TTC38: variants seen among roughly 807,000 people sequenced by gnomAD.
TTC38 encodes tetratricopeptide repeat domain 38.
Under a neutral mutation model 64.2 loss-of-function variants are expected in TTC38, and 64 were observed. That is an observed-to-expected ratio of 1.00 (90% CI 0.81 to 1.23). TTC38 has a LOEUF of 1.23. Ranked by LOEUF, TTC38 falls within the 50% of genes most tolerant of loss-of-function variation. The probability of loss-of-function intolerance (pLI) is 0.00; values close to 1 mark genes in which losing one functional copy is unlikely to be tolerated. For missense variants in TTC38, 573 were observed against 615.5 expected (o/e 0.93, Z 0.73); for synonymous variants, 254 against 249.3 (o/e 1.02, Z -0.18).
rs2147804476 is a variant in TTC38, at chr22:46,292,124, C to T, written c.1317-667C>T. The stretch of plus-strand genomic sequence containing the variant: ...GACAGCCACTTTCTTGCTGTGTCCT[C>T]ACATGACCTTTCCTTTGAGTGCTAA... On this transcript the variant is annotated intron_variant, in intron 13 of 13. Transcript: ENST00000381031. This position sits in a 1 kb window ranked among gnomAD's most constrained non-coding sequence, Gnocchi z 6.5. 2.5e-6 allele frequency: 1 copy of T among 402,726 alleles called. No homozygotes were observed. The highest frequency in any genetic ancestry group is 1.9e-5 in the South Asian group (1 of 51,292). 24.9% of individuals were successfully genotyped at this position (402,726 alleles called of 1,614,324 possible).
At chr22:46,277,086 T>C (rs868246773) in intron 5 of TTC38, among the ~76,000 whole-genome samples, 2,468 of 128,228 alleles carry the variant, frequency 0.019, 67 homozygotes, top group African/African-American at 0.064. Context: ...CACACACACA[T>C]ACATTTTAAA....
rs1457052615 is a variant in TTC38, at chr22:46,276,420, C to CTTA, written c.539+1001_539+1003dup. 6.6e-6 allele frequency among the ~76,000 whole-genome samples: 1 copy of CTTA among 152,162 alleles called. No homozygotes were observed. Among genetic ancestry groups the CTTA allele is most frequent in the Non-Finnish European group, 1.5e-5 (1 of 68,036 alleles). Reference sequence around the variant, plus strand: ...ACCTTCACGAGACTGGGCACAGTGGCTTATGCCTGTAATCCCAGCTGTTTG... The same window carrying CTTA: ...ACCTTCACGAGACTGGGCACAGTGGCTTATTATGCCTGTAATCCCAGCTGTTTG... On this transcript the variant is annotated intron_variant, in intron 5 of 13. Coordinates refer to ENST00000381031, the MANE Select transcript of TTC38 (RefSeq NM_017931.4). This position sits in a 1 kb window ranked among gnomAD's most constrained non-coding sequence, Gnocchi z 4.7.
intron 10 of TTC38, 74 bp from the exon 11 acceptor site, chr22:46,288,349 G>A (rs908312177): frequency 2.1e-5 from 31 of 1,484,132 alleles, no homozygotes; most frequent in African/African-American, 6.9e-5. Flanking sequence ...GGGAAGCGCC[G>A]TGAGGGAGGC....
Position 46,282,074 on chromosome 22 carries a change from C to G in TTC38, c.735+356C>G. ...AACGCAGAGGAAGCATTAAACTCAA[C>G]TGGGCTTGGGGGGACAGTGGCTAGG... On this transcript the variant is annotated intron_variant, in intron 7 of 13. Transcript: ENST00000381031. The surrounding 1 kb of genome is among the most constrained non-coding windows in gnomAD (Gnocchi z 4.4). 1 of 446,876 alleles carries G rather than the reference C, an allele frequency of 2.2e-6. No individual in the cohort carries two copies. Among genetic ancestry groups the G allele is most frequent in the Non-Finnish European group, 4.6e-6 (1 of 216,978 alleles). 27.7% of individuals were successfully genotyped at this position (446,876 alleles called of 1,614,324 possible).
At position 46,283,972 on chromosome 22, in the gene TTC38, G is replaced by A. The variant is rs781152522; in HGVS notation, c.736-1G>A. 3 of 1,541,002 alleles carry A rather than the reference G, an allele frequency of 1.9e-6. No homozygotes were observed. The highest frequency in any genetic ancestry group is 2.3e-5 in the South Asian group (2 of 86,760). Reference sequence around the variant, plus strand: ...AATTCTCTTTTTTTTTTTTTCTCCAGGACTCTGATATGTTGGCTTGTCATA... The same window carrying A: ...AATTCTCTTTTTTTTTTTTTCTCCAAGACTCTGATATGTTGGCTTGTCATA... On this transcript the variant is annotated splice_acceptor_variant, in intron 7 of 13. Coordinates refer to ENST00000381031, the MANE Select transcript of TTC38 (RefSeq NM_017931.4). LOFTEE classifies it high-confidence loss of function.
Position 46,272,190 on chromosome 22 carries a change from C to G in TTC38, c.112-145C>G. On this transcript the variant is annotated intron_variant, in intron 2 of 13. Transcript: ENST00000381031. This position sits in a 1 kb window ranked among gnomAD's most constrained non-coding sequence, Gnocchi z 6.4. Reference sequence around the variant, plus strand: ...ATTTTTAGTAGAGATGGGGTTTTACCGTGTTGGTCAGGCTGGTCTCGAACT... The same window carrying G: ...ATTTTTAGTAGAGATGGGGTTTTACGGTGTTGGTCAGGCTGGTCTCGAACT... 2 of 583,218 alleles carry G rather than the reference C, an allele frequency of 3.4e-6. No homozygotes were observed. The highest frequency in any genetic ancestry group is 6.2e-6 in the Non-Finnish European group (2 of 321,736). The allele number at this position is 583,218 out of a possible 1,614,324, so 36.1% of individuals were successfully genotyped here.
rs1000955250 is a variant in TTC38 at position 46,288,678 on chromosome 22, C to T, written c.1082+90C>T. The T allele has an allele frequency of 2.4e-5, 31 of 1,289,664 alleles. No individual in the cohort carries two copies. In the African/African-American group the frequency reaches 3.1e-4, roughly 13 times the overall value. The allele number at this position is 1,289,664 out of a possible 1,614,324, so 79.9% of individuals were successfully genotyped here. Reference sequence around the variant, plus strand: ...GGCCATGCTGAGACCTGTTCAGTGCCTGCCCCGCCTGTGAGTGCAGCAGGG... The same window carrying T: ...GGCCATGCTGAGACCTGTTCAGTGCTTGCCCCGCCTGTGAGTGCAGCAGGG... On this transcript the variant is annotated intron_variant, in intron 11 of 13. Transcript: ENST00000381031.
At chr22:46,278,528 G>T in intron 5 of TTC38, 58 bp from the exon 6 acceptor site, 1 of 1,470,086 alleles carries the variant, frequency 6.8e-7, no homozygotes, top group Non-Finnish European at 9.5e-7. Flanking sequence ...CGGGGACACA[G>T]TTCAACCTGC....
intron 13 of TTC38, among the ~76,000 whole-genome samples, chr22:46,290,214 C>T (rs1490439124): frequency 2.0e-5 from 3 of 152,200 alleles, no homozygotes; most frequent in Non-Finnish European, 4.4e-5. Flanking sequence ...AACACCCTTT[C>T]TCCTTTTTTG....
Position 46,281,648 on chromosome 22 carries a change from A to G in TTC38, c.665A>G (p.His222Arg), listed in dbSNP as rs1177147402. The change falls in exon 7 of 14, where the codon CAC (histidine) becomes CGC (arginine). Residue 222 changes from histidine (H) to arginine (R), a missense_variant. This residue lies in a region of TTC38 where 371 missense variants were observed against 381.8 expected (regional missense o/e 0.97). Coordinates refer to ENST00000381031, the MANE Select transcript of TTC38 (RefSeq NM_017931.4). This position sits in a 1 kb window ranked among gnomAD's most constrained non-coding sequence, Gnocchi z 5.2. ...TDAWSVHTVA[H>R]IHEMKAEIKD... ...GCATGGTCGGTGCACACCGTCGCTC[A>G]CATCCACGAGATGAAAGCAGAGATC... is the stretch of plus-strand genomic sequence containing the variant. 2 of 1,614,184 alleles carry G rather than the reference A, an allele frequency of 1.2e-6. No homozygotes were observed. Among genetic ancestry groups the G allele is most frequent in the East Asian group, 2.2e-5 (1 of 44,878 alleles).
Position 46,291,186 on chromosome 22 carries a change from G to C in TTC38, c.1316+1287G>C, listed in dbSNP as rs2077612385. ...CTCCCCGCTTTCCCCTTCCATGGCT[G>C]TAGACAAAACCATGCGTGTTTCTTT... On this transcript the variant is annotated intron_variant, in intron 13 of 13. Transcript: ENST00000381031. This position sits in a 1 kb window ranked among gnomAD's most constrained non-coding sequence, Gnocchi z 4.6. 6.6e-6 allele frequency among the ~76,000 whole-genome samples: 1 copy of C among 152,254 alleles called. No homozygotes were observed.
At chr22:46,286,446 A>AGG (rs2077572104) in intron 9 of TTC38, among the ~76,000 whole-genome samples, 1 of 152,146 alleles carries the variant, frequency 6.6e-6, no homozygotes, top group South Asian at 2.1e-4. Context: ...AGATCACCTG[A>AGG]GGTCAGGAGT....
rs145852137 is a variant in TTC38, at chr22:46,282,195, G to A, written c.735+477G>A. The A allele has an allele frequency of 1.5e-4, 51 of 332,968 alleles. No homozygotes were observed. Among genetic ancestry groups the A allele is most frequent in the African/African-American group, 5.8e-4 (27 of 46,270 alleles). 20.6% of individuals were successfully genotyped at this position (332,968 alleles called of 1,614,324 possible). A position where few individuals can be genotyped will look rare whatever the true frequency, so the allele number is the denominator to read the frequency against. On this transcript the variant is annotated intron_variant, in intron 7 of 13. Transcript: ENST00000381031. This position sits in a 1 kb window ranked among gnomAD's most constrained non-coding sequence, Gnocchi z 4.4. ...GGGAAGATGGAGGGCATCCTAGCCC[G>A]TCACTAGCTTGAGCAAGGCCTCCAA...
intron 9 of TTC38, among the ~76,000 whole-genome samples, chr22:46,286,545 C>T (rs2077572874): frequency 6.6e-6 from 1 of 151,940 alleles, no homozygotes; most frequent in African/African-American, 2.4e-5. Context: ...CCTGTAATCC[C>T]AGCTACTTAG....
intron 7 of TTC38, 22 bp from the exon 8 acceptor site, chr22:46,283,951 C>A: frequency 6.9e-7 from 1 of 1,451,784 alleles, no homozygotes; most frequent in South Asian, 1.2e-5. Flanking sequence ...TTCATAAATT[C>A]TCTTTTTTTT....
chr22:46,270,576 T>C lies in TTC38; in HGVS notation c.112-1759T>C, dbSNP rs1936873698. Among the ~76,000 whole-genome samples, 2 of 152,212 alleles carry C rather than the reference T, an allele frequency of 1.3e-5. No individual in the cohort carries two copies. Among genetic ancestry groups the C allele is most frequent in the South Asian group, 4.1e-4 (2 of 4,834 alleles). On this transcript the variant is annotated intron_variant, in intron 2 of 13. Transcript: ENST00000381031. The surrounding 1 kb of genome is among the most constrained non-coding windows in gnomAD (Gnocchi z 4.7). ...CGCTGGGCGCGGTGACTCACGCCTGTAATCCCAGCACTTTGGGAGGCTGAG... is the reference window on the plus strand; with the variant it reads ...CGCTGGGCGCGGTGACTCACGCCTGCAATCCCAGCACTTTGGGAGGCTGAG...
chr22:46,286,874 C>T (rs2077575292), intron 9 of TTC38, among the ~76,000 whole-genome samples, 199 bp from the exon 10 acceptor site: 1 of 152,178 alleles, frequency 6.6e-6, no homozygotes, highest in Non-Finnish European at 1.5e-5. Context: ...TCAGGTCTAC[C>T]TGGTGACCCC....
At chr22:46,268,830 G>T (rs931984142) in intron 2 of TTC38, 1 of 465,808 alleles carries the variant, frequency 2.1e-6, no homozygotes, top group Non-Finnish European at 3.9e-6. Context: ...GACTACAGGC[G>T]CCCGCCACTG....
rs994849056 is a variant in TTC38, at chr22:46,281,542, C to G, written c.616-57C>G. The stretch of plus-strand genomic sequence containing the variant: ...CCCTTAGAGACCTGCCGTCGCCTGC[C>G]CCGGCAGCCTGACTGATCTGCTTTA... On this transcript the variant is annotated intron_variant, in intron 6 of 13. Transcript: ENST00000381031. The surrounding 1 kb of genome is among the most constrained non-coding windows in gnomAD (Gnocchi z 5.2). 8 of 1,602,150 alleles carry G rather than the reference C, an allele frequency of 5.0e-6. No individual in the cohort carries two copies. The highest frequency in any genetic ancestry group is 6.8e-6 in the Non-Finnish European group (8 of 1,171,798).
Sources: allele counts gnomAD v4.1 joint callset (sites outside exome capture counted in the v4.1 genomes callset), GRCh38; gene constraint gnomAD v4.1.1; regional missense constraint gnomAD v4.1.1; non-coding constraint Gnocchi (gnomAD v3.1); transcripts MANE v1.5; gene names NCBI Gene and HGNC (gene_info 2026-07-23, HGNC 2026-07-21).